NFU1: variants seen among roughly 807,000 people sequenced by gnomAD.
NFU1 encodes the protein NFU1 iron-sulfur cluster scaffold homolog, mitochondrial.
Under a neutral mutation model 32.2 loss-of-function variants are expected in NFU1, and 30 were observed. The observed-to-expected ratio is 0.93, with a 90% CI of 0.70 to 1.26. The LOEUF is 1.26. Among genes scored for constraint, NFU1 ranks in the 50% most tolerant of loss-of-function variants. The pLI is 0.00. For missense variants in NFU1, 306 were observed against 306.6 expected (o/e 1.00, Z 0.02); for synonymous variants, 112 against 104.6 (o/e 1.07, Z -0.43).
intron 2 of NFU1, among the ~76,000 whole-genome samples, chr2:69,424,572 A>G (rs1673391397): frequency 6.6e-6 from 1 of 152,102 alleles, no homozygotes; most frequent in Non-Finnish European, 1.5e-5. Context: ...TTAGAGTGTG[A>G]GCACTGTGCC....
At chr2:69,438,871 C>A (rs1425362487), upstream of NFU1, among the ~76,000 whole-genome samples, 1 of 119,544 alleles carries the variant, frequency 8.4e-6, no homozygotes, top group Non-Finnish European at 1.6e-5. Flanking sequence ...TCCAACCCCC[C>A]ACCCAGTGAT....
chr2:69,403,864 A>G (rs940143363), intron 6 of NFU1, among the ~76,000 whole-genome samples: 3 of 150,166 alleles, frequency 2.0e-5, no homozygotes, highest in Non-Finnish European at 4.4e-5. Context: ...TTTGAGATAG[A>G]GTCTCACTCT....
rs144340013 is a variant in NFU1, at chr2:69,428,426, C to CA, written c.166+3475dup. On this transcript the variant is annotated intron_variant, in intron 2 of 7. Transcript: ENST00000410022. ...TGCGAGACATAGTGAGACTCTGTCTCAAAAAAAAAAAAATTATTCAGTGCC... is the reference window on the plus strand; with the variant it reads ...TGCGAGACATAGTGAGACTCTGTCTCAAAAAAAAAAAAAATTATTCAGTGCC... Among the ~76,000 whole-genome samples the CA allele has an allele frequency of 9.2e-3, 1,279 of 139,030 alleles. 17 individuals are homozygous for CA. Among genetic ancestry groups the CA allele is most frequent in the African/African-American group, 0.03 (1,143 of 37,984 alleles). 91.2% of individuals were successfully genotyped at this position (139,030 alleles called of 152,430 possible). A position where few individuals can be genotyped will look rare whatever the true frequency, so the allele number is the denominator to read the frequency against.
At chr2:69,422,073 ACAATATGCCAG>A (rs958937888) in intron 3 of NFU1, among the ~76,000 whole-genome samples, 1 of 152,178 alleles carries the variant, frequency 6.6e-6, no homozygotes, top group African/African-American at 2.4e-5. Context: ...AACAATTATA[ACAATATGCCAG>A]CAATATGCCA....
Position 69,437,361 on chromosome 2 carries a change from C to G in NFU1, c.62G>C (p.Arg21Pro), listed in dbSNP as rs776875884. 6.2e-7 allele frequency: 1 copy of G among 1,607,272 alleles called. No homozygotes were observed. Among genetic ancestry groups the G allele is most frequent in the Non-Finnish European group, 8.5e-7 (1 of 1,178,472 alleles). ...AAAVAAGLRR[R>P]FCHMLKNPYT... is the part of the protein sequence containing the mutation. ...TCGGAGCTCCAGGCTCGTCACCTAC[C>G]GCCTGCGCAGCCCGGCGGCAACAGC... The change falls in exon 1 of 8, where the codon CGG becomes CCG. Residue 21 changes from arginine to proline, a missense_variant and splice_region_variant. Coordinates refer to ENST00000410022, the MANE Select transcript of NFU1 (RefSeq NM_001002755.4).
intron 7 of NFU1, among the ~76,000 whole-genome samples, chr2:69,398,061 T>C (rs1672397515): frequency 6.6e-6 from 1 of 152,120 alleles, no homozygotes; most frequent in South Asian, 2.1e-4. Context: ...ATTTCAACAA[T>C]ACCCAATCCA....
chr2:69,437,586 C>A, upstream of NFU1: 1 of 826,378 alleles, frequency 1.2e-6, no homozygotes, highest in Non-Finnish European at 2.0e-6. Context: ...GGTTTGCAGG[C>A]TACTGCGTCA....
At chr2:69,435,019 A>G (rs1355492384) in intron 1 of NFU1, among the ~76,000 whole-genome samples, 1 of 152,216 alleles carries the variant, frequency 6.6e-6, no homozygotes, top group Non-Finnish European at 1.5e-5. Context: ...GTTCTACAAG[A>G]GAGATGTTTT....
At chr2:69,412,857 C>CAAAAAAA in intron 5 of NFU1, among the ~76,000 whole-genome samples, 1 of 103,694 alleles carries the variant, frequency 9.6e-6, no homozygotes, top group Non-Finnish European at 2.0e-5. Flanking sequence ...GTCACTGTCT[C>CAAAAAAA]AAAAAAAAAA....
intron 6 of NFU1, among the ~76,000 whole-genome samples, chr2:69,405,137 C>T (rs1442605035): frequency 6.6e-6 from 1 of 152,058 alleles, no homozygotes. Context: ...ATCCCAGCTA[C>T]TCAGGAGGCT....
At chr2:69,426,068 A>G (rs1484408815) in intron 2 of NFU1, among the ~76,000 whole-genome samples, 1 of 151,640 alleles carries the variant, frequency 6.6e-6, no homozygotes, top group Non-Finnish European at 1.5e-5. Flanking sequence ...TGCTTTCTGG[A>G]TTCAAGCGAT....
At chr2:69,424,336 T>A (rs1002946255) in intron 2 of NFU1, among the ~76,000 whole-genome samples, 1 of 151,554 alleles carries the variant, frequency 6.6e-6, no homozygotes, top group Non-Finnish European at 1.5e-5. Flanking sequence ...TTGCCCAGGC[T>A]GGAGTGCAGT....
chr2:69,437,798 C>G (rs979014701), upstream of NFU1, among the ~76,000 whole-genome samples: 12 of 152,218 alleles, frequency 7.9e-5, no homozygotes, highest in African/African-American at 2.4e-4. Flanking sequence ...TACTCAGCCT[C>G]CAGGCCCAGC....
At chr2:69,438,248 C>CTT (rs373475726), upstream of NFU1, among the ~76,000 whole-genome samples, 2 of 145,680 alleles carry the variant, frequency 1.4e-5, no homozygotes, top group African/African-American at 5.0e-5. Flanking sequence ...TTGTTACTTG[C>CTT]TTTTTTTTTT....
At chr2:69,429,918 A>G (rs1673583617) in intron 2 of NFU1, 2 of 254,214 alleles carry the variant, frequency 7.9e-6, no homozygotes, top group African/African-American at 2.3e-5. Flanking sequence ...AGTACCAGCT[A>G]CTTGGGAGAC....
At chr2:69,427,326 A>C (rs925515043) in intron 2 of NFU1, among the ~76,000 whole-genome samples, 5 of 151,602 alleles carry the variant, frequency 3.3e-5, no homozygotes, top group African/African-American at 9.7e-5. Flanking sequence ...CAGAGGTTGC[A>C]GTTAACTGGG....
chr2:69,406,198 A>G (rs1171884827), intron 5 of NFU1, 116 bp from the exon 6 acceptor site: 6 of 674,284 alleles, frequency 8.9e-6, no homozygotes, highest in Non-Finnish European at 1.6e-5. Context: ...AAAACTATAG[A>G]AAGAACATGT....
At chr2:69,429,966 T>G in intron 2 of NFU1, 1 of 316,380 alleles carries the variant, frequency 3.2e-6, no homozygotes, top group Non-Finnish European at 6.4e-6. Context: ...GAGGCGGAGG[T>G]TACAGTGAGC....
chr2:69,423,728 A>G lies in NFU1; in HGVS notation c.167-11T>C. On this transcript the variant is annotated splice_polypyrimidine_tract_variant and intron_variant, in intron 2 of 7. Coordinates refer to ENST00000410022, the MANE Select transcript of NFU1 (RefSeq NM_001002755.4). ...TAAACATGTATCTCACTAAAAAAGA[A>G]AAAGAAGAAAATGTTATTCTAGAAA... 1 of 1,572,334 alleles carries G rather than the reference A, an allele frequency of 6.4e-7. No individual in the cohort carries two copies. Among genetic ancestry groups the G allele is most frequent in the Non-Finnish European group, 8.7e-7 (1 of 1,142,968 alleles).
Sources: allele counts gnomAD v4.1 joint callset (sites outside exome capture counted in the v4.1 genomes callset), GRCh38; gene constraint gnomAD v4.1.1; transcripts MANE v1.5; gene names NCBI Gene and HGNC (gene_info 2026-07-23, HGNC 2026-07-21).